Variants in FCHO2 observed in about 807,000 individuals in gnomAD.
The protein encoded by FCHO2 is F-BAR domain only protein 2.
A neutral mutation model predicts 114.1 loss-of-function variants in FCHO2; 43 were observed. The ratio of observed to expected loss-of-function variants is 0.38; its 90% CI spans 0.30 to 0.49. The LOEUF is 0.49. Ranked by LOEUF, FCHO2 falls within the 20% of genes least tolerant of loss-of-function variation. FCHO2 has a pLI of 0.97. For missense variants in FCHO2, 807 were observed against 950.4 expected (o/e 0.85, Z 1.98); for synonymous variants, 293 against 315.2 (o/e 0.93, Z 0.75).
At chr5:73,041,157 G>A (rs1756785645) in intron 10 of FCHO2, 134 bp from the exon 11 acceptor site, 6 of 622,632 alleles carry the variant, frequency 9.6e-6, no homozygotes, top group South Asian at 7.4e-5. Flanking sequence ...TAATCTTCAT[G>A]GTTTGATTTC....
At chr5:73,083,166 G>A (rs1276808314) in intron 24 of FCHO2, among the ~76,000 whole-genome samples, 8 of 152,048 alleles carry the variant, frequency 5.3e-5, no homozygotes, top group Non-Finnish European at 8.8e-5. Context: ...TTACAGGCGT[G>A]AGCCACTGCG....
chr5:73,037,576 T>C (rs1270382492), intron 10 of FCHO2, among the ~76,000 whole-genome samples: 1 of 152,136 alleles, frequency 6.6e-6, no homozygotes, highest in African/African-American at 2.4e-5. Flanking sequence ...AGAAAATCTC[T>C]GGTCAACTAT....
At position 73,058,474 on chromosome 5, in the gene FCHO2, G is replaced by A; in HGVS notation, c.1295G>A (p.Gly432Glu). Residue 432 changes from glycine to glutamate, a missense_variant, in exon 17 of 26, where the codon GGA becomes GAA. Transcript: ENST00000430046. ...SDLLAWDPLF[G>E]PSLDSSSSSS... ...TTACTTGCTTGGGACCCCCTATTTG[G>A]ACCATCTCTTGATTCATCTTCTTCA... The A allele has an allele frequency of 6.4e-7, 1 of 1,573,606 alleles. No homozygotes were observed. The highest frequency in any genetic ancestry group is 8.6e-7 in the Non-Finnish European group (1 of 1,157,084).
chr5:73,087,264 CCT>C (rs1743344012), intron 24 of FCHO2, among the ~76,000 whole-genome samples: 1 of 152,116 alleles, frequency 6.6e-6, no homozygotes, highest in Non-Finnish European at 1.5e-5. Context: ...CACCTATATC[CCT>C]CCTAGGGTTT....
intron 5 of FCHO2, among the ~76,000 whole-genome samples, chr5:73,005,174 G>A (rs990309141): frequency 1.3e-5 from 2 of 152,266 alleles, no homozygotes; most frequent in Middle Eastern, 3.4e-3. Context: ...AGAGTACAAA[G>A]TTGCTTGTTT....
intron 5 of FCHO2, among the ~76,000 whole-genome samples, chr5:72,994,203 T>G (rs180948452): frequency 6.6e-6 from 1 of 152,268 alleles, no homozygotes; most frequent in East Asian, 1.9e-4. Context: ...ATAGACAACC[T>G]GTAGAATGGG....
At chr5:73,084,916 A>C (rs1743242445) in intron 24 of FCHO2, among the ~76,000 whole-genome samples, 1 of 152,222 alleles carries the variant, frequency 6.6e-6, no homozygotes, top group African/African-American at 2.4e-5. Flanking sequence ...TGAAATTCCT[A>C]GTTTAAATTG....
intron 9 of FCHO2, 94 bp from the exon 10 acceptor site, chr5:73,037,049 C>A: frequency 2.5e-6 from 2 of 790,128 alleles, no homozygotes; most frequent in Non-Finnish European, 3.8e-6. Flanking sequence ...CAGTTATGAG[C>A]AAATTATGTG....
chr5:73,028,798 G>A (rs1398814755), intron 8 of FCHO2, among the ~76,000 whole-genome samples: 5 of 151,692 alleles, frequency 3.3e-5, no homozygotes, highest in East Asian at 1.9e-4. Context: ...CTACAGGCAC[G>A]CACCACTATG....
intron 2 of FCHO2, among the ~76,000 whole-genome samples, chr5:72,978,153 A>G (rs1046932138): frequency 6.6e-6 from 1 of 152,186 alleles, no homozygotes; most frequent in Admixed American, 6.5e-5. Flanking sequence ...AAGAAAGTCA[A>G]TGATTGCTTG....
In FCHO2 at chr5:72,957,528, T is replaced by G. The variant is rs558599068; in HGVS notation, c.33+1399T>G. ...CTCAAAGTTTATCCATGATGTAGCA[T>G]GTATCACTACTAATTCCTTTTTATG... On this transcript the variant is annotated intron_variant, in intron 1 of 25. Coordinates refer to ENST00000430046, the MANE Select transcript of FCHO2 (RefSeq NM_138782.3). Among the ~76,000 whole-genome samples, 78 of 152,360 alleles carry G rather than the reference T, an allele frequency of 5.1e-4. 1 individual carries two copies. Among genetic ancestry groups the G allele is most frequent in the African/African-American group, 1.9e-3 (77 of 41,580 alleles).
At chr5:73,038,686 C>T (rs1199151377) in intron 10 of FCHO2, among the ~76,000 whole-genome samples, 1 of 152,098 alleles carries the variant, frequency 6.6e-6, no homozygotes, top group Non-Finnish European at 1.5e-5. Flanking sequence ...TTCCCCTCTC[C>T]CAAGTAGTAT....
intron 2 of FCHO2, among the ~76,000 whole-genome samples, chr5:72,980,233 A>G (rs1408008221): frequency 6.6e-6 from 1 of 152,160 alleles, no homozygotes; most frequent in Non-Finnish European, 1.5e-5. Context: ...CAGGTTGTTC[A>G]GTTTCCGTGT....
rs1280596667 is a variant in FCHO2 at position 73,015,688 on chromosome 5, A to G, written c.663A>G (p.Ser221=). The change falls in exon 7 of 26, where the codon TCA becomes TCG. Residue 221 remains serine (S), a synonymous_variant. Coordinates refer to ENST00000430046, the MANE Select transcript of FCHO2 (RefSeq NM_138782.3). Reference sequence around the variant, plus strand: ...TAAAGGAAATTATAGGATCCTTGTCAAATGCTATAAAGGAAATTCATTTGC... The same window carrying G: ...TAAAGGAAATTATAGGATCCTTGTCGAATGCTATAAAGGAAATTCATTTGC... The part of the protein sequence containing the change: ...IHIKEIIGSL[S]NAIKEIHLQI... 15 of 1,584,328 alleles carry G rather than the reference A, an allele frequency of 9.5e-6. No homozygotes were observed. The highest frequency in any genetic ancestry group is 4.1e-5 in the African/African-American group (3 of 72,756).
Position 72,974,192 on chromosome 5 carries a change from G to A in FCHO2, c.125+5603G>A, listed in dbSNP as rs1268214574. 1.5e-3 allele frequency among the ~76,000 whole-genome samples: 221 copies of A among 146,214 alleles called. 1 individual carries two copies. Among genetic ancestry groups the A allele is most frequent in the African/African-American group, 5.3e-3 (210 of 39,636 alleles). On this transcript the variant is annotated intron_variant, in intron 2 of 25. Coordinates refer to ENST00000430046, the MANE Select transcript of FCHO2 (RefSeq NM_138782.3). ...AATGTATATTCTGTTGATTTGGGGT[G>A]GAGAGTTCTGTAGATGTCTATTAGG...
intron 7 of FCHO2, among the ~76,000 whole-genome samples, 197 bp downstream of exon 7, chr5:73,015,921 A>T (rs994376860): frequency 1.3e-5 from 2 of 152,170 alleles, no homozygotes; most frequent in African/African-American, 4.8e-5. Flanking sequence ...GCCACCGAGG[A>T]TGATAATTCA....
At chr5:73,048,815 C>T (rs1013523480) in intron 11 of FCHO2, among the ~76,000 whole-genome samples, 6 of 151,062 alleles carry the variant, frequency 4.0e-5, no homozygotes, top group African/African-American at 7.3e-5. Flanking sequence ...ATGAATATGC[C>T]TTTCCCCTGC....
chr5:72,972,921 A>C (rs1053096238), intron 2 of FCHO2, among the ~76,000 whole-genome samples: 36 of 152,274 alleles, frequency 2.4e-4, no homozygotes, highest in Non-Finnish European at 4.0e-4. Flanking sequence ...AGGGCTGTTG[A>C]ATTTTGTCAA....
chr5:72,960,276 T>C (rs763114010), intron 1 of FCHO2, among the ~76,000 whole-genome samples: 70 of 150,790 alleles, frequency 4.6e-4, no homozygotes, highest in Non-Finnish European at 1.0e-3. Flanking sequence ...ATATGCTAAA[T>C]TGAAAATTCC....
Sources: gnomAD v4.1 joint callset for allele counts (sites outside exome capture counted in the v4.1 genomes callset) on GRCh38, gnomAD v4.1.1 for gene constraint, MANE v1.5 for transcripts, NCBI Gene and HGNC (gene_info 2026-07-23, HGNC 2026-07-21) for gene names.